Variants in PARL observed in about 807,000 individuals in gnomAD.
PARL encodes the protein presenilin-associated rhomboid-like protein, mitochondrial.
PARL carries 44 observed loss-of-function variants against 51.6 expected under a neutral mutation model. The observed-to-expected ratio is 0.85, with a 90% CI of 0.67 to 1.10. The LOEUF (loss-of-function observed/expected upper bound fraction) is 1.10, where lower values mean the gene tolerates loss of function less well. PARL is among the 50% of genes least tolerant of loss of function. PARL has a pLI of 0.00. For missense variants in PARL, 441 were observed against 469.5 expected, an observed-to-expected ratio of 0.94 and a Z score of 0.56; for synonymous variants, 172 against 164.0, an observed-to-expected ratio of 1.05 and a Z score of -0.37.
intron 7 of PARL, among the ~76,000 whole-genome samples, chr3:183,840,173 T>C (rs369588063): frequency 6.6e-6 from 1 of 152,200 alleles, no homozygotes; most frequent in Admixed American, 6.5e-5. Context: ...GGCTCTAGCA[T>C]AGCACCTAGT....
chr3:183,845,888 G>A (rs563206366), intron 4 of PARL, among the ~76,000 whole-genome samples: 39 of 152,310 alleles, frequency 2.6e-4, no homozygotes, highest in African/African-American at 8.4e-4. Context: ...GGGTAAAGAC[G>A]ACCTGAGAAT....
intron 7 of PARL, among the ~76,000 whole-genome samples, chr3:183,837,645 C>T (rs1206742965): frequency 6.6e-6 from 1 of 152,152 alleles, no homozygotes; most frequent in Non-Finnish European, 1.5e-5. Flanking sequence ...ACTCCTACAC[C>T]CAGCAGTAAC....
At chr3:183,876,750 G>C (rs1733899145) in intron 1 of PARL, among the ~76,000 whole-genome samples, 1 of 152,122 alleles carries the variant, frequency 6.6e-6, no homozygotes, top group Non-Finnish European at 1.5e-5. Context: ...AAAGCTTCTG[G>C]AAAGGATCTA....
chr3:183,847,599 G>C (rs1453988272), intron 4 of PARL, among the ~76,000 whole-genome samples: 1 of 151,924 alleles, frequency 6.6e-6, no homozygotes, highest in Non-Finnish European at 1.5e-5. Flanking sequence ...AGAAAAAAAA[G>C]GGCTGAGTGA....
chr3:183,858,881 T>C (rs1166671933), intron 4 of PARL, among the ~76,000 whole-genome samples: 1 of 151,864 alleles, frequency 6.6e-6, no homozygotes, highest in Non-Finnish European at 1.5e-5. Flanking sequence ...CCTGGGGAGA[T>C]TATTTCTGTG....
At chr3:183,828,669 G>A (rs112511543), downstream of PARL, among the ~76,000 whole-genome samples, 2,027 of 152,252 alleles carry the variant, frequency 0.013, 47 homozygotes, top group African/African-American at 0.045. Flanking sequence ...CTTTTCCAAA[G>A]CCGCCATTCC....
chr3:183,862,405 C>T (rs1441878453), intron 4 of PARL, among the ~76,000 whole-genome samples: 2 of 152,104 alleles, frequency 1.3e-5, no homozygotes, highest in Non-Finnish European at 2.9e-5. Flanking sequence ...CAAGTAGGGA[C>T]AGAATGTGTA....
chr3:183,882,314 TACACACATATATACACATATATAC>T (rs1306774308), intron 1 of PARL, among the ~76,000 whole-genome samples: 8 of 98,222 alleles, frequency 8.1e-5, no homozygotes, highest in East Asian at 5.8e-4. Flanking sequence ...CACACATATA[TACACACATATATACACATATATAC>T]ACACACATAT....
At chr3:183,858,251 C>T (rs1439467359) in intron 4 of PARL, among the ~76,000 whole-genome samples, 1 of 152,128 alleles carries the variant, frequency 6.6e-6, no homozygotes, top group East Asian at 1.9e-4. Context: ...TTACCAGCAA[C>T]ATCAGGAATA....
chr3:183,872,698 T>C (rs1733351862), intron 1 of PARL, among the ~76,000 whole-genome samples: 1 of 152,220 alleles, frequency 6.6e-6, no homozygotes, highest in Admixed American at 6.5e-5. Flanking sequence ...GAGCTAGTGG[T>C]AACCATATCA....
chr3:183,858,932 C>CA lies in PARL; in HGVS notation c.511+3820dup, dbSNP rs1284714751. ...CCAAAAAAAAAATCCCCAAACAAAC[C>CA]AAAAAAAAAGGATTAAAACAAGTTT... On this transcript the variant is annotated intron_variant, in intron 4 of 9. Coordinates refer to ENST00000317096, the MANE Select transcript of PARL (RefSeq NM_018622.7). Among the ~76,000 whole-genome samples, 50 of 149,202 alleles carry CA rather than the reference C, an allele frequency of 3.4e-4. 1 individual carries two copies. The highest frequency in any genetic ancestry group is 6.4e-4 in the African/African-American group (26 of 40,656).
chr3:183,838,676 A>G (rs1251512295), intron 7 of PARL, among the ~76,000 whole-genome samples: 2 of 152,194 alleles, frequency 1.3e-5, no homozygotes, highest in East Asian at 1.9e-4. Context: ...AATTCAGAGA[A>G]GTTCAGTAAT....
intron 9 of PARL, among the ~76,000 whole-genome samples, chr3:183,830,058 G>T (rs1218712738): frequency 1.3e-5 from 2 of 152,190 alleles, no homozygotes; most frequent in Non-Finnish European, 1.5e-5. Flanking sequence ...TTTCTAAGTG[G>T]TCAATGAAAG....
chr3:183,829,305 CT>C lies in PARL; in HGVS notation c.*292del. ...TTCTGATCAGGCCTTTCAGGGTGCACTCTCCCCAGGTCCTGTCAATGCAACA... is the reference window on the plus strand; with the variant it reads ...TTCTGATCAGGCCTTTCAGGGTGCACCTCCCCAGGTCCTGTCAATGCAACA... On this transcript the variant is annotated 3_prime_UTR_variant, in exon 10 of 10. Coordinates refer to ENST00000317096, the MANE Select transcript of PARL (RefSeq NM_018622.7). The C allele has an allele frequency of 1.1e-6, 1 of 901,408 alleles. No individual in the cohort carries two copies. Among genetic ancestry groups the C allele is most frequent in the South Asian group, 1.8e-5 (1 of 56,126 alleles). The allele number at this position is 901,408 out of a possible 1,614,324, so 55.8% of individuals were successfully genotyped here.
At chr3:183,861,349 G>A (rs1051209214) in intron 4 of PARL, 6 of 332,336 alleles carry the variant, frequency 1.8e-5, no homozygotes, top group Non-Finnish European at 2.6e-5. Context: ...CATGATATAT[G>A]CTAGGTGCTG....
intron 6 of PARL, among the ~76,000 whole-genome samples, chr3:183,841,378 C>T (rs554173754): frequency 6.6e-5 from 10 of 152,266 alleles, no homozygotes; most frequent in African/African-American, 1.9e-4. Flanking sequence ...CATAAGTATT[C>T]GATGAACACT....
intron 1 of PARL, among the ~76,000 whole-genome samples, chr3:183,878,354 G>A (rs1465880755): frequency 1.3e-5 from 2 of 152,150 alleles, no homozygotes; most frequent in Admixed American, 1.3e-4. Flanking sequence ...TAAGCCGCAA[G>A]TCCAACCCAG....
chr3:183,854,254 C>T (rs750698894), intron 4 of PARL, among the ~76,000 whole-genome samples: 28 of 152,134 alleles, frequency 1.8e-4, no homozygotes, highest in Non-Finnish European at 3.4e-4. Flanking sequence ...AAAATAGAAT[C>T]GAATGCATGG....
chr3:183,833,769 C>A lies in PARL; in HGVS notation c.885G>T (p.Arg295Ser). The change falls in exon 8 of 10, where the codon AGG becomes AGT. Residue 295 changes from arginine to serine, a missense_variant. By Grantham distance (110) the Arg-to-Ser change is moderately radical. Coordinates refer to ENST00000317096, the MANE Select transcript of PARL (RefSeq NM_018622.7). ...ACATCGGAAGGAAAATAATGGCAAG[C>A]CTCCCTTCTGGGATCTTAGTGCAGA... is the stretch of plus-strand genomic sequence containing the variant. ...AAVCTKIPEGRLAIIFLPMFT... is the reference protein window; with the variant it reads ...AAVCTKIPEGSLAIIFLPMFT... 5.6e-6 allele frequency: 9 copies of A among 1,613,636 alleles called. No homozygotes were observed. The highest frequency in any genetic ancestry group is 7.6e-6 in the Non-Finnish European group (9 of 1,179,508).
Sources: gnomAD v4.1 joint callset for allele counts (sites outside exome capture counted in the v4.1 genomes callset) on GRCh38, gnomAD v4.1.1 for gene constraint, MANE v1.5 for transcripts, NCBI Gene and HGNC (gene_info 2026-07-23, HGNC 2026-07-21) for gene names.